Variants in POLE observed in about 807,000 individuals in gnomAD.
The protein encoded by POLE is DNA polymerase epsilon, catalytic subunit.
In POLE, 188 loss-of-function variants were observed where a neutral mutation model predicts 279.2. That is an observed-to-expected ratio of 0.67 (90% CI 0.60 to 0.76). The LOEUF is 0.76. Among genes scored for constraint, POLE ranks in the 30% least tolerant of loss-of-function variants. The pLI, the probability that POLE is intolerant of heterozygous loss-of-function variation, is 0.00. For synonymous variants in POLE, 1,214 were observed against 1,172.5 expected (o/e 1.04, Z -0.72); for missense variants, 2,703 against 3,016.7 (o/e 0.90, Z 2.44).
At chr12:132,631,948 CCCA>C (rs1168238680) in intron 45 of POLE, among the ~76,000 whole-genome samples, 6 of 152,334 alleles carry the variant, frequency 3.9e-5, no homozygotes, top group African/African-American at 1.4e-4. Context: ...GCAGACAGGC[CCCA>C]CAAGGCAGGA....
chr12:132,679,727 G>A, intron 5 of POLE, 76 bp from the exon 6 acceptor site: 1 of 1,508,124 alleles, frequency 6.6e-7, no homozygotes, highest in Non-Finnish European at 9.1e-7. Context: ...ACACTCAAAG[G>A]TAAACACACA....
rs142222159 is a variant in POLE, at chr12:132,624,763, G to A, written c.6795C>T (p.Tyr2265=). The change falls in exon 49 of 49, where the codon TAC becomes TAT. Residue 2265 remains tyrosine, a synonymous_variant. Coordinates refer to ENST00000320574, the MANE Select transcript of POLE (RefSeq NM_006231.4). The part of the protein sequence containing the change: ...IGIFRNIAQH[Y]GMSYLLETLE... ...GGGTCTCCAGGAGGTACGACATGCC[G>A]TAGTGCTGGGCAATGTTCCGGAATA... 137 of 1,613,770 alleles carry A rather than the reference G, an allele frequency of 8.5e-5. 1 individual carries two copies. In the African/African-American group the frequency reaches 9.5e-4, roughly 11 times the overall value.
At position 132,625,836 on chromosome 12, in the gene POLE, T is replaced by A. The variant is rs531800407; in HGVS notation, c.6532-66A>T. ...CCAGACCACAGTGCCATGGGCAGGA[T>A]CTCAGGAGAGGAAGGGGCTGTGAGA... On this transcript the variant is annotated intron_variant, in intron 46 of 48. Transcript: ENST00000320574. The A allele has an allele frequency of 5.7e-6, 9 of 1,575,132 alleles. No individual in the cohort carries two copies. In the African/African-American group the frequency reaches 1.1e-4, roughly 19 times the overall value.
Position 132,626,230 on chromosome 12 carries a change from C to T in POLE, c.6418G>A (p.Glu2140Lys), listed in dbSNP as rs5745066. ...LRLVDVGEFS[E>K]EAQFRDPCRS... ...CAGGGGTCTCGGAACTGGGCCTCCTCGGAGAACTCGCCGACATCCACCAGG... is the reference window on the plus strand; with the variant it reads ...CAGGGGTCTCGGAACTGGGCCTCCTTGGAGAACTCGCCGACATCCACCAGG... Residue 2140 changes from glutamate (E) to lysine (K), a missense_variant, in exon 46 of 49, where the codon GAG becomes AAG. Glu to Lys is a moderately conservative substitution (Grantham distance 56, BLOSUM62 1). Transcript: ENST00000320574. 30,181 of 1,613,774 alleles carry T rather than the reference C, an allele frequency of 0.019. 387 individuals are homozygous for T. Among genetic ancestry groups the T allele is most frequent in the Non-Finnish European group, 0.022 (26,435 of 1,179,994 alleles).
chr12:132,679,195 T>C (rs1374976358), intron 6 of POLE, among the ~76,000 whole-genome samples: 1 of 152,218 alleles, frequency 6.6e-6, no homozygotes, highest in Non-Finnish European at 1.5e-5. Flanking sequence ...ATAGATGGAT[T>C]GTGTTAGGGC....
rs5745071 is a variant in POLE at position 132,625,883 on chromosome 12, C to A, written c.6532-113G>T. 3,290 of 1,426,394 alleles carry A rather than the reference C, an allele frequency of 2.3e-3. 54 individuals carry two copies. In the African/African-American group the frequency reaches 0.042, roughly 18 times the overall value. 88.4% of individuals were successfully genotyped at this position (1,426,394 alleles called of 1,614,324 possible). On this transcript the variant is annotated intron_variant, in intron 46 of 48. Coordinates refer to ENST00000320574, the MANE Select transcript of POLE (RefSeq NM_006231.4). Reference sequence around the variant, plus strand: ...GAGAAGCGCCTGGTGACGGGCGAGTCTCCTGAGTGCAGCTGCACGCACTCT... The same window carrying A: ...GAGAAGCGCCTGGTGACGGGCGAGTATCCTGAGTGCAGCTGCACGCACTCT...
intron 16 of POLE, among the ~76,000 whole-genome samples, chr12:132,669,519 G>T (rs1289629266): frequency 1.3e-5 from 2 of 151,422 alleles, no homozygotes; most frequent in African/African-American, 4.9e-5. Context: ...AGTAAAAATA[G>T]AAAACACACC....
Position 132,657,169 on chromosome 12 carries a change from GATC to G in POLE, c.3546_3548del (p.Lys1182_Ile1183delinsAsn). 6.2e-7 allele frequency: 1 copy of G among 1,614,004 alleles called. No individual in the cohort carries two copies. The highest frequency in any genetic ancestry group is 8.5e-7 in the Non-Finnish European group (1 of 1,180,014). ...TGCCCTCCAGGGTGAAGAGCTCACT[GATC>G]TTCTTCTGCTTGTAGACATCATTCT... On this transcript the variant is annotated inframe_deletion, in exon 29 of 49. Transcript: ENST00000320574.
At chr12:132,625,153 C>T (rs1359396214) in intron 47 of POLE, 159 bp from the exon 48 acceptor site, 5 of 680,736 alleles carry the variant, frequency 7.3e-6, no homozygotes, top group Non-Finnish European at 1.3e-5. Context: ...AAATGCACGA[C>T]CTCATCCCAC....
chr12:132,649,241 G>A (rs1270290005), intron 31 of POLE, 65 bp downstream of exon 31: 1 of 1,564,522 alleles, frequency 6.4e-7, no homozygotes, highest in African/African-American at 1.4e-5. Flanking sequence ...TCAGGGCCCA[G>A]CTGGACACCC....
In POLE at chr12:132,661,171, A is replaced by G. The variant is rs1386984101; in HGVS notation, c.2865-7T>C. Reference sequence around the variant, plus strand: ...TTCATTGAACACAGCATACCTGAAAAAAAAAAAAAAGGCAAGCACAGCAGT... The same window carrying G: ...TTCATTGAACACAGCATACCTGAAAGAAAAAAAAAAGGCAAGCACAGCAGT... On this transcript the variant is annotated splice_polypyrimidine_tract_variant and splice_region_variant and intron_variant, in intron 24 of 48. Coordinates refer to ENST00000320574, the MANE Select transcript of POLE (RefSeq NM_006231.4). This position sits in a 1 kb window ranked among gnomAD's most constrained non-coding sequence, Gnocchi z 4.1. 6.4e-7 allele frequency: 1 copy of G among 1,569,416 alleles called. No homozygotes were observed.
At chr12:132,646,737 C>T (rs1192918407) in intron 32 of POLE, among the ~76,000 whole-genome samples, 1 of 152,018 alleles carries the variant, frequency 6.6e-6, no homozygotes, top group Admixed American at 6.6e-5. Flanking sequence ...GAGGCTGAGG[C>T]AGGAGAATTT....
rs949436167 is a variant in POLE at position 132,649,745 on chromosome 12, G to A, written c.3727C>T (p.Gln1243Ter). The change falls in exon 30 of 49, where the codon CAG becomes TAG. Residue 1243 changes from glutamine to a stop codon, truncating the protein, a stop_gained. Coordinates refer to ENST00000320574, the MANE Select transcript of POLE (RefSeq NM_006231.4). LOFTEE classifies it high-confidence loss of function. ...CAGGGCACAGTCGGCGTGAGGTCCT[G>A]GGACTCCTCCTGGCTCTCCCAAAGA... The part of the protein sequence containing the change: ...RVLWESQEES[Q>*]DLTPTVPWQE... The A allele has an allele frequency of 1.2e-6, 2 of 1,614,054 alleles. No homozygotes were observed. The highest frequency in any genetic ancestry group is 1.7e-6 in the Non-Finnish European group (2 of 1,180,054).
In POLE at chr12:132,660,958, T is replaced by C. The variant is rs2138688234; in HGVS notation, c.3060+11A>G. 1 of 1,584,442 alleles carries C rather than the reference T, an allele frequency of 6.3e-7. No individual in the cohort carries two copies. Among genetic ancestry groups the C allele is most frequent in the Non-Finnish European group, 8.6e-7 (1 of 1,164,328 alleles). The stretch of plus-strand genomic sequence containing the variant: ...CCTCAGAGCAGGTGAGGGTGGAGGG[T>C]AGGCCTTTACCTTGCTGTACAGCAC... On this transcript the variant is annotated intron_variant, in intron 25 of 48. Transcript: ENST00000320574.
intron 45 of POLE, among the ~76,000 whole-genome samples, chr12:132,627,059 T>C (rs903568405): frequency 2.6e-5 from 4 of 152,220 alleles, no homozygotes; most frequent in Admixed American, 2.0e-4. Context: ...GGCAGGTGGA[T>C]GGCCTGAGGT....
chr12:132,663,242 G>A (rs879689550), intron 23 of POLE, among the ~76,000 whole-genome samples: 2 of 152,166 alleles, frequency 1.3e-5, no homozygotes, highest in African/African-American at 2.4e-5. Flanking sequence ...GTGTATTTAC[G>A]ACTGAAGAGC....
rs377461656 is a variant in POLE, at chr12:132,641,788, T to A, written c.5237A>T (p.Asn1746Ile). The A allele has an allele frequency of 9.3e-6, 15 of 1,607,302 alleles. No homozygotes were observed. Among genetic ancestry groups the A allele is most frequent in the Non-Finnish European group, 1.0e-5 (12 of 1,179,884 alleles). ...CATGCTGTCGGCCCCCTCCATGTCG[T>A]TGACATGGTGAGACTGGAGAATGGT... ...VNTILQSHHV[N>I]DMEGADSMGI... Residue 1746 changes from asparagine to isoleucine, a missense_variant, in exon 39 of 49, where the codon AAC (asparagine) becomes ATC (isoleucine). Asn to Ile is a moderately radical substitution (Grantham distance 149). Around this residue, in one of 5 missense-constraint regions of POLE, gnomAD observed 1,551 missense variants for 1,686.1 expected, o/e 0.92. Coordinates refer to ENST00000320574, the MANE Select transcript of POLE (RefSeq NM_006231.4).
chr12:132,626,430 C>T, intron 45 of POLE, 113 bp from the exon 46 acceptor site: 2 of 967,402 alleles, frequency 2.1e-6, no homozygotes. Context: ...CCTTTCCTCC[C>T]TTCCTTAGTC....
At chr12:132,682,003 G>T (rs571234244) in intron 1 of POLE, among the ~76,000 whole-genome samples, 1 of 152,264 alleles carries the variant, frequency 6.6e-6, no homozygotes, top group African/African-American at 2.4e-5. Flanking sequence ...TGGCCAGCAT[G>T]GTGAAACCCT....
Sources: allele counts gnomAD v4.1 joint callset (sites outside exome capture counted in the v4.1 genomes callset), GRCh38; gene constraint gnomAD v4.1.1; regional missense constraint gnomAD v4.1.1; non-coding constraint Gnocchi (gnomAD v3.1); transcripts MANE v1.5; gene names NCBI Gene and HGNC (gene_info 2026-07-23, HGNC 2026-07-21).